The following PCTP variants were observed in gnomAD, a reference collection of about 807,000 sequenced individuals.
PCTP encodes the protein START domain-containing protein 2.
A neutral mutation model predicts 31.0 loss-of-function variants in PCTP; 27 were observed. That is an observed-to-expected ratio of 0.87 (90% CI 0.64 to 1.20). The LOEUF (loss-of-function observed/expected upper bound fraction) is 1.20. Ranked by LOEUF, PCTP falls within the 50% of genes most tolerant of loss-of-function variation. PCTP has a pLI of 0.00. For missense variants in PCTP, 287 were observed against 268.2 expected (o/e 1.07, Z -0.49); for synonymous variants, 108 against 101.2 (o/e 1.07, Z -0.40).
chr17:55,795,428 G>T (rs1004404616), intron 3 of PCTP, among the ~76,000 whole-genome samples: 3 of 152,036 alleles, frequency 2.0e-5, no homozygotes, highest in African/African-American at 4.8e-5. Flanking sequence ...GGGAGTGGGG[G>T]TTGCATGTGT....
downstream of PCTP, among the ~76,000 whole-genome samples, chr17:55,778,122 A>G (rs888377284): frequency 6.6e-6 from 1 of 151,700 alleles, no homozygotes; most frequent in African/African-American, 2.4e-5. Context: ...TAGCATTTTT[A>G]CTTGCTAATT....
At chr17:55,828,525 T>C (rs571569724) in intron 5 of PCTP, among the ~76,000 whole-genome samples, 1 of 152,362 alleles carries the variant, frequency 6.6e-6, no homozygotes, top group South Asian at 2.1e-4. Context: ...CTCCTCTTTT[T>C]ATGACACCAG....
intron 5 of PCTP, among the ~76,000 whole-genome samples, chr17:55,832,218 G>T (rs1317793359): frequency 6.6e-6 from 1 of 152,230 alleles, no homozygotes; most frequent in Non-Finnish European, 1.5e-5. Context: ...TCACTCTCAG[G>T]TGAGGATATG....
chr17:55,791,271 A>G (rs534216487), intron 3 of PCTP, among the ~76,000 whole-genome samples: 269 of 152,082 alleles, frequency 1.8e-3, no homozygotes, highest in Non-Finnish European at 2.8e-3. Flanking sequence ...TAAAACACCA[A>G]CAGCAATGGC....
At chr17:55,800,698 A>G (rs952940147) in intron 3 of PCTP, among the ~76,000 whole-genome samples, 15 of 152,110 alleles carry the variant, frequency 9.9e-5, no homozygotes, top group South Asian at 2.1e-4. Context: ...GAAACATTTC[A>G]TCAAAACCTA....
intron 1 of PCTP, chr17:55,751,468 T>G: frequency 1.3e-6 from 2 of 1,531,700 alleles, no homozygotes. Flanking sequence ...TCACAGGAGT[T>G]CAGCCTCAGG....
chr17:55,840,044 AAAC>A (rs755930159), intron 5 of PCTP, among the ~76,000 whole-genome samples: 52 of 151,902 alleles, frequency 3.4e-4, no homozygotes, highest in Non-Finnish European at 6.0e-4. Flanking sequence ...TTTTTCAAAG[AAAC>A]AACAACAACA....
At chr17:55,838,602 G>T (rs549359579) in intron 5 of PCTP, among the ~76,000 whole-genome samples, 1 of 152,122 alleles carries the variant, frequency 6.6e-6, no homozygotes, top group East Asian at 1.9e-4. Flanking sequence ...CATCATTATA[G>T]CCCAGAATCT....
intron 3 of PCTP, among the ~76,000 whole-genome samples, chr17:55,821,137 A>T (rs2145063901): frequency 6.6e-6 from 1 of 152,372 alleles, no homozygotes; most frequent in East Asian, 1.9e-4. Context: ...AATAATGGAA[A>T]TAGTCCAAAT....
At chr17:55,774,323 C>A (rs1331802107) in intron 4 of PCTP, among the ~76,000 whole-genome samples, 2 of 152,090 alleles carry the variant, frequency 1.3e-5, no homozygotes, top group Non-Finnish European at 2.9e-5. Flanking sequence ...GAGTTTCAGC[C>A]CCCAGGGAGG....
downstream of PCTP, among the ~76,000 whole-genome samples, chr17:55,825,127 C>CT (rs1248447430): frequency 3.3e-5 from 5 of 152,100 alleles, no homozygotes; most frequent in Admixed American, 6.5e-5. Context: ...ATTAATGACC[C>CT]TTTGTCCAAT....
At chr17:55,822,051 C>G (rs1033296728) in intron 3 of PCTP, among the ~76,000 whole-genome samples, 4 of 152,158 alleles carry the variant, frequency 2.6e-5, no homozygotes, top group African/African-American at 9.7e-5. Flanking sequence ...ACCCTCCACC[C>G]CCAGCACCTG....
intron 5 of PCTP, chr17:55,775,827 A>C (rs34519962): frequency 0.1 from 131,517 of 1,293,304 alleles, 7,049 homozygotes; most frequent in African/African-American, 0.15. Flanking sequence ...GCCTTTTTGC[A>C]ACAGAAGTTC....
At chr17:55,759,424 G>C (rs1291258581) in intron 1 of PCTP, among the ~76,000 whole-genome samples, 1 of 152,154 alleles carries the variant, frequency 6.6e-6, no homozygotes, top group Non-Finnish European at 1.5e-5. Flanking sequence ...CCAACTATCT[G>C]TCTTTGTAGA....
chr17:55,769,931 TC>T, intron 2 of PCTP: 1 of 152,322 alleles, frequency 6.6e-6, no homozygotes, highest in East Asian at 1.9e-4. Flanking sequence ...CCTCTCCCTT[TC>T]TTTTAAGGAC....
At chr17:55,791,369 A>G (rs909351351) in intron 3 of PCTP, among the ~76,000 whole-genome samples, 2 of 147,950 alleles carry the variant, frequency 1.4e-5, no homozygotes, top group Admixed American at 6.7e-5. Context: ...TGAACAGGCA[A>G]CCTACAAAAT....
chr17:55,816,526 G>A (rs1238020696), intron 3 of PCTP, among the ~76,000 whole-genome samples: 1 of 152,224 alleles, frequency 6.6e-6, no homozygotes, highest in Non-Finnish European at 1.5e-5. Context: ...TAACTGGATA[G>A]TCCTAGATGA....
intron 5 of PCTP, among the ~76,000 whole-genome samples, chr17:55,838,273 G>A (rs1229066786): frequency 6.6e-6 from 1 of 152,168 alleles, no homozygotes; most frequent in African/African-American, 2.4e-5. Flanking sequence ...TCAGTGCCTG[G>A]TCAATAACCA....
intron 5 of PCTP, chr17:55,775,365 T>C: frequency 8.1e-7 from 1 of 1,232,426 alleles, no homozygotes; most frequent in Non-Finnish European, 1.0e-6. Context: ...GAGCCTGGCA[T>C]TATGGGGACC....
Sources: gnomAD v4.1 joint callset for allele counts (sites outside exome capture counted in the v4.1 genomes callset) on GRCh38, gnomAD v4.1.1 for gene constraint, MANE v1.5 for transcripts, NCBI Gene and HGNC (gene_info 2026-07-23, HGNC 2026-07-21) for gene names.